Variants in CDC14B observed in about 807,000 individuals in gnomAD.
CDC14B encodes cell division cycle 14B.
Under a neutral mutation model 64.2 loss-of-function variants are expected in CDC14B, and 22 were observed. The observed-to-expected ratio is 0.34, with a 90% CI of 0.24 to 0.49. CDC14B has a LOEUF of 0.49. Among genes scored for constraint, CDC14B ranks in the 20% least tolerant of loss-of-function variants. The pLI is 0.99. For missense variants in CDC14B, 498 were observed against 629.9 expected, an observed-to-expected ratio of 0.79 and a Z score of 2.24; for synonymous variants, 191 against 215.8, an observed-to-expected ratio of 0.89 and a Z score of 1.01.
chr9:96,609,415 G>A (rs954360283), intron 1 of CDC14B, among the ~76,000 whole-genome samples: 14 of 152,112 alleles, frequency 9.2e-5, no homozygotes, highest in African/African-American at 3.4e-4. Flanking sequence ...ATTTAAGAGT[G>A]TATTCTTTCT....
At chr9:96,589,632 T>C (rs1230687193) in intron 1 of CDC14B, among the ~76,000 whole-genome samples, 1 of 152,066 alleles carries the variant, frequency 6.6e-6, no homozygotes, top group Non-Finnish European at 1.5e-5. Flanking sequence ...AGTCTGCAAA[T>C]AGAAATAGAT....
chr9:96,557,255 C>T (rs1564330466), intron 4 of CDC14B, among the ~76,000 whole-genome samples: 1 of 152,250 alleles, frequency 6.6e-6, no homozygotes. Flanking sequence ...CGTCCCTTTG[C>T]TCAGCCCAGT....
chr9:96,553,025 C>G (rs1842028616), intron 4 of CDC14B, among the ~76,000 whole-genome samples: 1 of 152,214 alleles, frequency 6.6e-6, no homozygotes, highest in African/African-American at 2.4e-5. Context: ...GTGAAGCATT[C>G]TGAAGTTGGG....
intron 13 of CDC14B, among the ~76,000 whole-genome samples, chr9:96,504,084 G>C (rs1338539687): frequency 6.6e-6 from 1 of 152,118 alleles, no homozygotes; most frequent in Non-Finnish European, 1.5e-5. Context: ...GGGGCAGCAG[G>C]GCCAGGAAAG....
chr9:96,591,227 T>C (rs924402688), intron 1 of CDC14B, among the ~76,000 whole-genome samples: 2 of 152,230 alleles, frequency 1.3e-5, no homozygotes, highest in Admixed American at 6.5e-5. Flanking sequence ...AAGACTTTTA[T>C]AGTTTCTGGT....
downstream of CDC14B, among the ~76,000 whole-genome samples, chr9:96,495,218 G>C (rs1202475916): frequency 6.6e-6 from 1 of 152,196 alleles, no homozygotes; most frequent in Non-Finnish European, 1.5e-5. Context: ...TGTAAGGTAA[G>C]GAGTGCCTGC....
At chr9:96,522,909 AC>A (rs1403399444) in intron 11 of CDC14B, among the ~76,000 whole-genome samples, 2 of 152,190 alleles carry the variant, frequency 1.3e-5, no homozygotes, top group Admixed American at 6.5e-5. Flanking sequence ...TAGTACTGCT[AC>A]CCCCTAAGCC....
chr9:96,539,581 C>T (rs1448764167), intron 6 of CDC14B, among the ~76,000 whole-genome samples: 1 of 152,168 alleles, frequency 6.6e-6, no homozygotes, highest in Non-Finnish European at 1.5e-5. Context: ...GCTAGTTTAT[C>T]CCAAACAAAA....
intron 9 of CDC14B, among the ~76,000 whole-genome samples, chr9:96,527,669 G>A (rs1837788691): frequency 6.6e-6 from 1 of 151,834 alleles, no homozygotes; most frequent in African/African-American, 2.4e-5. Context: ...AGGCCGGAGT[G>A]CAATGGCGCA....
chr9:96,576,646 A>C (rs1844825342), intron 1 of CDC14B, among the ~76,000 whole-genome samples: 1 of 151,708 alleles, frequency 6.6e-6, no homozygotes, highest in East Asian at 1.9e-4. Context: ...AAAAAAAAAA[A>C]AAAAAAAGAT....
intron 1 of CDC14B, among the ~76,000 whole-genome samples, chr9:96,609,023 A>G (rs1035879496): frequency 6.6e-6 from 1 of 152,134 alleles, no homozygotes; most frequent in African/African-American, 2.4e-5. Flanking sequence ...CCCAGGCTGG[A>G]GTGCAGTGGC....
At position 96,539,406 on chromosome 9, in the gene CDC14B, C is replaced by T. The variant is rs568358862; in HGVS notation, c.565-266G>A. ...GATGTGCTTTTTTATTTTCATTCAC[C>T]AGTCATCCTATCCATGTATTGTTAA... On this transcript the variant is annotated intron_variant, in intron 6 of 13. Transcript: ENST00000375241. Among the ~76,000 whole-genome samples, 3 of 152,092 alleles carry T rather than the reference C, an allele frequency of 2.0e-5. No homozygotes were observed. The East Asian group carries it at 5.8e-4, about 29-fold the overall frequency.
At chr9:96,554,431 G>A (rs1405239531) in intron 4 of CDC14B, among the ~76,000 whole-genome samples, 1 of 152,034 alleles carries the variant, frequency 6.6e-6, no homozygotes, top group Non-Finnish European at 1.5e-5. Flanking sequence ...AATTGCAATG[G>A]TATTACTTTC....
intron 1 of CDC14B, among the ~76,000 whole-genome samples, chr9:96,575,944 T>C (rs1441505373): frequency 1.3e-5 from 2 of 152,156 alleles, no homozygotes; most frequent in South Asian, 2.1e-4. Flanking sequence ...ATGCAGTTGC[T>C]AGGAAAAAAG....
intron 1 of CDC14B, among the ~76,000 whole-genome samples, chr9:96,594,881 G>A (rs371158190): frequency 3.3e-5 from 5 of 152,228 alleles, no homozygotes; most frequent in South Asian, 2.1e-4. Flanking sequence ...GGCTGGGCGC[G>A]GTGGCTCACA....
At chr9:96,556,170 AGAGCT>A (rs1842478783) in intron 4 of CDC14B, among the ~76,000 whole-genome samples, 1 of 152,194 alleles carries the variant, frequency 6.6e-6, no homozygotes, top group African/African-American at 2.4e-5. Flanking sequence ...ATTTCACCCT[AGAGCT>A]GAGAGTGACA....
At chr9:96,551,936 C>A (rs534556448) in intron 4 of CDC14B, 64 bp from the exon 5 acceptor site, 11 of 1,542,538 alleles carry the variant, frequency 7.1e-6, no homozygotes, top group Non-Finnish European at 4.4e-6. Flanking sequence ...GCTGTCACTG[C>A]GAAGTAAATT....
intron 1 of CDC14B, among the ~76,000 whole-genome samples, chr9:96,610,912 C>CT (rs1358744797): frequency 6.6e-6 from 1 of 152,074 alleles, no homozygotes; most frequent in African/African-American, 2.4e-5. Context: ...ACCAATGCTG[C>CT]TCTACAGTTA....
intron 4 of CDC14B, among the ~76,000 whole-genome samples, chr9:96,561,382 C>T (rs1843149888): frequency 1.3e-5 from 2 of 152,210 alleles, no homozygotes; most frequent in Admixed American, 6.5e-5. Context: ...TCAAACTATA[C>T]TCCAGAAAAT....
Sources: allele counts gnomAD v4.1 joint callset (sites outside exome capture counted in the v4.1 genomes callset), GRCh38; gene constraint gnomAD v4.1.1; transcripts MANE v1.5; gene names NCBI Gene and HGNC (gene_info 2026-07-23, HGNC 2026-07-21).